Variants in UGT1A9 observed in about 807,000 individuals in gnomAD.
The protein encoded by UGT1A9 is UDP-glucuronosyltransferase 1A9.
A neutral mutation model predicts 45.0 loss-of-function variants in UGT1A9; 35 were observed. The observed-to-expected ratio is 0.78, with a 90% CI of 0.59 to 1.03. The LOEUF is 1.03. UGT1A9 is among the 50% of genes least tolerant of loss of function. The probability of loss-of-function intolerance (pLI) is 0.00; values close to 1 mark genes in which losing one functional copy is unlikely to be tolerated. For synonymous variants in UGT1A9, 278 were observed against 250.6 expected (o/e 1.11, Z -1.03); for missense variants, 687 against 666.6 (o/e 1.03, Z -0.34).
chr2:233,698,867 T>C (rs2075466274), intron 1 of UGT1A9, among the ~76,000 whole-genome samples: 1 of 152,248 alleles, frequency 6.6e-6, no homozygotes. Context: ...GGTGTGACTT[T>C]GCGACTTTGA....
intron 1 of UGT1A9, among the ~76,000 whole-genome samples, chr2:233,684,502 T>G (rs2125529215): frequency 6.6e-6 from 1 of 152,288 alleles, no homozygotes; most frequent in African/African-American, 2.4e-5. Flanking sequence ...CAAAGGGATT[T>G]AGAGATGTAG....
intron 1 of UGT1A9, chr2:233,719,806 T>C: frequency 1.9e-6 from 3 of 1,595,234 alleles, no homozygotes; most frequent in Non-Finnish European, 2.6e-6. Context: ...TTTGGCTTCT[T>C]TATAACAGAT....
At chr2:233,713,722 C>A in intron 1 of UGT1A9, 1 of 1,613,948 alleles carries the variant, frequency 6.2e-7, no homozygotes, top group Non-Finnish European at 8.5e-7. Flanking sequence ...AGAGAGGTGT[C>A]AGTGGTGGAT....
intron 1 of UGT1A9, among the ~76,000 whole-genome samples, chr2:233,720,449 T>C (rs1240396680): frequency 6.6e-6 from 1 of 152,106 alleles, no homozygotes; most frequent in East Asian, 1.9e-4. Context: ...ATAAGCCCAG[T>C]GAAGCTGGGA....
intron 4 of UGT1A9, among the ~76,000 whole-genome samples, chr2:233,771,925 G>A (rs1269829032): frequency 6.6e-6 from 1 of 151,860 alleles, no homozygotes; most frequent in Non-Finnish European, 1.5e-5. Flanking sequence ...ACACAGCCTG[G>A]GCAACACAAT....
At chr2:233,759,792 T>C (rs945566213) in intron 1 of UGT1A9, among the ~76,000 whole-genome samples, 3 of 152,146 alleles carry the variant, frequency 2.0e-5, no homozygotes, top group African/African-American at 7.2e-5. Flanking sequence ...ATGAAACACA[T>C]GATACAAGTG....
intron 1 of UGT1A9, chr2:233,753,724 A>C (rs1430811344): frequency 6.6e-6 from 1 of 152,226 alleles, no homozygotes; most frequent in Admixed American, 6.5e-5. Flanking sequence ...CTAATTTGAT[A>C]TGCCCCAAGC....
intron 1 of UGT1A9, among the ~76,000 whole-genome samples, chr2:233,715,085 C>T (rs2076431603): frequency 6.6e-6 from 1 of 152,050 alleles, no homozygotes; most frequent in Non-Finnish European, 1.5e-5. Context: ...GGAGTTTCAT[C>T]ATATTGGCCA....
At chr2:233,719,414 A>G (rs1348956274) in intron 1 of UGT1A9, 9 of 1,613,880 alleles carry the variant, frequency 5.6e-6, no homozygotes, top group Non-Finnish European at 7.6e-6. Context: ...CTAAGTTACT[A>G]ACGACCAATT....
chr2:233,747,375 G>A, intron 1 of UGT1A9: 1 of 1,604,748 alleles, frequency 6.2e-7, no homozygotes, highest in Non-Finnish European at 8.5e-7. Flanking sequence ...CCATGCCAGA[G>A]GCCACCAGGC....
intron 1 of UGT1A9, among the ~76,000 whole-genome samples, chr2:233,731,284 CT>C (rs78127606): frequency 0.15 from 20,469 of 139,534 alleles, 1,444 homozygotes; most frequent in East Asian, 0.21. Context: ...GTTTTTCTTT[CT>C]TTTTTTTTTT....
chr2:233,693,900 T>C, intron 1 of UGT1A9: 4 of 1,613,588 alleles, frequency 2.5e-6, no homozygotes, highest in African/African-American at 1.3e-5. Context: ...CTGCCTTGTT[T>C]CTTCCAGGCT....
At chr2:233,729,403 G>A (rs1559374235) in intron 1 of UGT1A9, 1 of 1,613,838 alleles carries the variant, frequency 6.2e-7, no homozygotes, top group Non-Finnish European at 8.5e-7. Flanking sequence ...TGATCGCCAT[G>A]TGCTGGGCCA....
intron 1 of UGT1A9, chr2:233,730,081 C>G: frequency 1.2e-6 from 2 of 1,603,798 alleles, no homozygotes; most frequent in Non-Finnish European, 8.5e-7. Context: ...TCCATATTTA[C>G]TTATCTTTCC....
chr2:233,724,124 T>C (rs2077171424), intron 1 of UGT1A9, among the ~76,000 whole-genome samples: 1 of 109,210 alleles, frequency 9.2e-6, no homozygotes. Flanking sequence ...GAGGCGCCCC[T>C]CACCTCCCGG....
At chr2:233,681,068 A>T (rs1433688062) in intron 1 of UGT1A9, among the ~76,000 whole-genome samples, 2 of 151,826 alleles carry the variant, frequency 1.3e-5, no homozygotes, top group African/African-American at 2.4e-5. Flanking sequence ...CACCTGTGTC[A>T]CAATTGTGGC....
Position 233,689,150 on chromosome 2 carries a change from A to G in UGT1A9, c.855+16361A>G, listed in dbSNP as rs546743991. 1.8e-4 allele frequency among the ~76,000 whole-genome samples: 27 copies of G among 152,338 alleles called. No individual in the cohort carries two copies. The East Asian group carries it at 4.2e-3, about 24-fold the overall frequency. ...TTGTTACAAGCCCCTGAAGGAAGTTATAAACACCTTATCTTCTACTAGGAC... is the reference window on the plus strand; with the variant it reads ...TTGTTACAAGCCCCTGAAGGAAGTTGTAAACACCTTATCTTCTACTAGGAC... On this transcript the variant is annotated intron_variant, in intron 1 of 4. Transcript: ENST00000354728.
At chr2:233,732,755 GT>G (rs956485327) in intron 1 of UGT1A9, among the ~76,000 whole-genome samples, 12,936 of 120,072 alleles carry the variant, frequency 0.11, 575 homozygotes, top group East Asian at 0.2. Context: ...CACCAGCTTT[GT>G]TTTTTTTTTT....
At chr2:233,724,957 G>A in intron 1 of UGT1A9, among the ~76,000 whole-genome samples, 1 of 142,916 alleles carries the variant, frequency 7.0e-6, no homozygotes, top group Non-Finnish European at 1.5e-5. Flanking sequence ...GGCACCTCGG[G>A]AGGCCGAGGT....
Sources: gnomAD v4.1 joint callset for allele counts (sites outside exome capture counted in the v4.1 genomes callset) on GRCh38, gnomAD v4.1.1 for gene constraint, MANE v1.5 for transcripts, NCBI Gene and HGNC (gene_info 2026-07-23, HGNC 2026-07-21) for gene names.